EGFLAM: variants seen among roughly 807,000 people sequenced by gnomAD.
EGFLAM encodes the protein EGF like, fibronectin type III and laminin G domains, also known as pikachurin.
In EGFLAM, 79 loss-of-function variants were observed where a neutral mutation model predicts 113.1. That is an observed-to-expected ratio of 0.70 (90% CI 0.58 to 0.84). The LOEUF (loss-of-function observed/expected upper bound fraction) is 0.84, where lower values mean the gene tolerates loss of function less well. Ranked by LOEUF, EGFLAM falls within the 40% of genes least tolerant of loss-of-function variation. EGFLAM has a pLI of 0.00. For missense variants in EGFLAM, 1,265 were observed against 1,291.6 expected (o/e 0.98, Z 0.32); for synonymous variants, 504 against 487.6 (o/e 1.03, Z -0.44).
chr5:38,464,060 G>T lies in EGFLAM; in HGVS notation c.*74G>T. On this transcript the variant is annotated 3_prime_UTR_variant, in exon 22 of 22. Coordinates refer to ENST00000322350, the MANE Select transcript of EGFLAM (RefSeq NM_152403.4). ...CAGGGGCCCTCAGACCCTGCCTGATGCTATATGCAGAGGCCCAGGGACCAG... is the reference window on the plus strand; with the variant it reads ...CAGGGGCCCTCAGACCCTGCCTGATTCTATATGCAGAGGCCCAGGGACCAG... The T allele has an allele frequency of 6.3e-7, 1 of 1,577,324 alleles. No homozygotes were observed. Among genetic ancestry groups the T allele is most frequent in the Non-Finnish European group, 8.7e-7 (1 of 1,153,938 alleles).
Position 38,409,093 on chromosome 5 carries a change from C to A in EGFLAM, c.1338C>A (p.Ser446=). Residue 446 remains serine, a synonymous_variant, in exon 10 of 22, where the codon TCC becomes TCA. Transcript: ENST00000322350. ...TGTCCCTGGCTATCATCCGACGCTCCCTGCAGTTCAGGTAATTCCTGCCAA... is the reference window on the plus strand; with the variant it reads ...TGTCCCTGGCTATCATCCGACGCTCACTGCAGTTCAGGTAATTCCTGCCAA... The part of the protein sequence containing the change: ...DFMSLAIIRR[S]LQFRFNCGTG... The A allele has an allele frequency of 6.3e-7, 1 of 1,577,254 alleles. No individual in the cohort carries two copies. Among genetic ancestry groups the A allele is most frequent in the Non-Finnish European group, 8.6e-7 (1 of 1,159,604 alleles).
Position 38,406,127 on chromosome 5 carries a change from C to T in EGFLAM, c.714C>T (p.Cys238=). 1.2e-6 allele frequency: 2 copies of T among 1,613,570 alleles called. No homozygotes were observed. The highest frequency in any genetic ancestry group is 1.7e-6 in the Non-Finnish European group (2 of 1,179,562). Residue 238 remains cysteine (C), a splice_region_variant and synonymous_variant, in exon 7 of 22, where the codon TGC becomes TGT. Transcript: ENST00000322350. The part of the protein sequence containing the change: ...SWPSDIIRTL[C]PEEAGSGRYG... ...GGTGTGCTGCTTTTCTTTGTGAAGGCCCTGAGGAGGCGGGAAGTGGCCGCT... is the reference window on the plus strand; with the variant it reads ...GGTGTGCTGCTTTTCTTTGTGAAGGTCCTGAGGAGGCGGGAAGTGGCCGCT...
At chr5:38,437,332 A>G (rs989276180) in intron 16 of EGFLAM, among the ~76,000 whole-genome samples, 2 of 152,186 alleles carry the variant, frequency 1.3e-5, no homozygotes, top group Non-Finnish European at 2.9e-5. Context: ...GAGTGGGACA[A>G]TCGGGGAGGT....
chr5:38,328,188 G>A lies in EGFLAM; in HGVS notation c.98-9332G>A, dbSNP rs78443709. 9.4e-3 allele frequency among the ~76,000 whole-genome samples: 1,430 copies of A among 152,276 alleles called. 16 individuals are homozygous for A. Among genetic ancestry groups the A allele is most frequent in the African/African-American group, 0.032 (1,346 of 41,542 alleles). On this transcript the variant is annotated intron_variant, in intron 1 of 21. Transcript: ENST00000322350. ...ATGGCAGAAGGCAAAGGGGAAAGCA[G>A]GCAATGTCTTACGTGGCCAGAGCAG...
chr5:38,356,907 C>T (rs764835128), intron 5 of EGFLAM, among the ~76,000 whole-genome samples: 3 of 152,100 alleles, frequency 2.0e-5, no homozygotes, highest in Non-Finnish European at 4.4e-5. Flanking sequence ...ACGTTAAATT[C>T]GAACACCCAA....
chr5:38,363,944 C>T (rs1204803554), intron 5 of EGFLAM, among the ~76,000 whole-genome samples: 2 of 152,296 alleles, frequency 1.3e-5, no homozygotes, highest in South Asian at 4.1e-4. Flanking sequence ...TAAACAGTAC[C>T]TAAATGGGTG....
intron 3 of EGFLAM, among the ~76,000 whole-genome samples, chr5:38,341,696 T>C (rs1344049312): frequency 6.6e-6 from 1 of 152,232 alleles, no homozygotes; most frequent in Non-Finnish European, 1.5e-5. Context: ...ATCATATCAT[T>C]CTATAGATAA....
intron 6 of EGFLAM, among the ~76,000 whole-genome samples, chr5:38,377,499 T>C (rs1340871119): frequency 2.6e-5 from 4 of 152,154 alleles, no homozygotes; most frequent in Non-Finnish European, 4.4e-5. Context: ...TAAGTATTTA[T>C]TGAGTATGTA....
intron 1 of EGFLAM, among the ~76,000 whole-genome samples, chr5:38,311,368 C>T (rs1170393743): frequency 2.6e-5 from 4 of 152,252 alleles, no homozygotes; most frequent in Admixed American, 6.5e-5. Flanking sequence ...CAGCCCCTGC[C>T]TGGTAACCGC....
chr5:38,352,137 A>G, intron 4 of EGFLAM, 59 bp from the exon 5 acceptor site: 1 of 1,610,202 alleles, frequency 6.2e-7, no homozygotes. Context: ...TAGCCCATTA[A>G]ACCTCTCCAA....
chr5:38,410,254 A>G (rs912280968), intron 10 of EGFLAM, among the ~76,000 whole-genome samples: 2 of 152,232 alleles, frequency 1.3e-5, no homozygotes, highest in Admixed American at 6.5e-5. Flanking sequence ...CCCATGCTTT[A>G]CTAAATGATT....
At chr5:38,291,247 T>C (rs748062378) in intron 1 of EGFLAM, among the ~76,000 whole-genome samples, 2 of 152,228 alleles carry the variant, frequency 1.3e-5, no homozygotes, top group Non-Finnish European at 2.9e-5. Flanking sequence ...AAATATTTGG[T>C]GGAATAAGGC....
intron 5 of EGFLAM, among the ~76,000 whole-genome samples, chr5:38,356,054 C>G (rs1430335456): frequency 1.3e-5 from 2 of 152,224 alleles, no homozygotes; most frequent in Non-Finnish European, 2.9e-5. Context: ...GCCACTGCGC[C>G]TGGCTTCTTA....
intron 1 of EGFLAM, among the ~76,000 whole-genome samples, chr5:38,283,036 G>A (rs886871810): frequency 6.6e-6 from 1 of 152,114 alleles, no homozygotes; most frequent in African/African-American, 2.4e-5. Context: ...TGAATTTTTA[G>A]TAGAGACGAG....
At chr5:38,354,145 AT>A (rs995430605) in intron 5 of EGFLAM, among the ~76,000 whole-genome samples, 3 of 151,792 alleles carry the variant, frequency 2.0e-5, no homozygotes, top group East Asian at 1.9e-4. Context: ...AGAGTCTAAG[AT>A]TTTTTTTTAT....
chr5:38,381,419 T>C (rs570695963), intron 6 of EGFLAM, among the ~76,000 whole-genome samples: 1 of 152,268 alleles, frequency 6.6e-6, no homozygotes, highest in Non-Finnish European at 1.5e-5. Flanking sequence ...CATCTGATAA[T>C]GCAACCGAAT....
At chr5:38,394,630 C>T (rs543301486) in intron 6 of EGFLAM, among the ~76,000 whole-genome samples, 27 of 150,804 alleles carry the variant, frequency 1.8e-4, no homozygotes, top group African/African-American at 6.6e-4. Context: ...AGGATGGTCT[C>T]GATCTCCTGA....
chr5:38,444,472 A>T (rs1742644316), intron 17 of EGFLAM, among the ~76,000 whole-genome samples: 1 of 152,238 alleles, frequency 6.6e-6, no homozygotes, highest in African/African-American at 2.4e-5. Flanking sequence ...GACTGTTCCC[A>T]GCACAAAGAA....
chr5:38,445,725 G>GA (rs1423927726), intron 17 of EGFLAM: 2 of 1,597,556 alleles, frequency 1.3e-6, no homozygotes, highest in East Asian at 4.5e-5. Context: ...AGTCCTGTGA[G>GA]AAACTGCGAG....
Sources: gnomAD v4.1 joint callset for allele counts (sites outside exome capture counted in the v4.1 genomes callset) on GRCh38, gnomAD v4.1.1 for gene constraint, MANE v1.5 for transcripts, NCBI Gene and HGNC (gene_info 2026-07-23, HGNC 2026-07-21) for gene names.